Variants in GTSE1 observed in about 807,000 individuals in gnomAD.
The protein encoded by GTSE1 is G2 and S phase-expressed protein 1.
In GTSE1, 52 loss-of-function variants were observed where a neutral mutation model predicts 60.5. The ratio of observed to expected loss-of-function variants is 0.86; its 90% CI spans 0.69 to 1.08. GTSE1 has a LOEUF of 1.08. Ranked by LOEUF, GTSE1 falls within the 50% of genes least tolerant of loss-of-function variation. The probability of loss-of-function intolerance (pLI) is 0.00; values close to 1 mark genes in which losing one functional copy is unlikely to be tolerated. For synonymous variants in GTSE1, 368 were observed against 386.5 expected (o/e 0.95, Z 0.56); for missense variants, 937 against 961.8 (o/e 0.97, Z 0.34).
At chr22:46,311,942 C>G (rs532175325) in intron 4 of GTSE1, among the ~76,000 whole-genome samples, 199 bp from the exon 5 acceptor site, 9 of 152,248 alleles carry the variant, frequency 5.9e-5, no homozygotes, top group African/African-American at 1.9e-4. Context: ...GAAGCAAAAT[C>G]CATCATCACT....
rs376893272 is a variant in GTSE1 at position 46,316,061 on chromosome 22, G to C, written c.1081G>C (p.Ala361Pro). The change falls in exon 7 of 12, where the codon GCA becomes CCA. Residue 361 changes from alanine to proline, a missense_variant. Ala to Pro is a conservative substitution (Grantham distance 27). Coordinates refer to ENST00000454366, the MANE Select transcript of GTSE1 (RefSeq NM_016426.7). The surrounding 1 kb of genome is among the most constrained non-coding windows in gnomAD (Gnocchi z 5.0). Reference protein sequence around the residue: ...AKSSEFASIPANSSRPLSNIS... With the variant: ...AKSSEFASIPPNSSRPLSNIS... ...ATCAAGTGAATTTGCAAGTATTCCT[G>C]CAAATAGCTCCCGGCCTCTGTCAAA... 7.9e-6 allele frequency: 12 copies of C among 1,515,504 alleles called. No individual in the cohort carries two copies. In the African/African-American group the frequency reaches 1.3e-4, roughly 16 times the overall value. The allele number at this position is 1,515,504 out of a possible 1,614,324, so 93.9% of individuals were successfully genotyped here.
chr22:46,314,140 T>A lies in GTSE1; in HGVS notation c.1051+127T>A, dbSNP rs1422428579. ...GCAGGACGTCCCGGAGGGCGTGCTGTGTGCGGTGGACCAGGCTGTGGACTG... is the reference window on the plus strand; with the variant it reads ...GCAGGACGTCCCGGAGGGCGTGCTGAGTGCGGTGGACCAGGCTGTGGACTG... On this transcript the variant is annotated intron_variant, in intron 6 of 11. Transcript: ENST00000454366. The surrounding 1 kb of genome is among the most constrained non-coding windows in gnomAD (Gnocchi z 7.1). 1 of 1,160,140 alleles carries A rather than the reference T, an allele frequency of 8.6e-7. No homozygotes were observed. The highest frequency in any genetic ancestry group is 1.2e-6 in the Non-Finnish European group (1 of 806,830). 71.9% of individuals were successfully genotyped at this position (1,160,140 alleles called of 1,614,324 possible).
In GTSE1 at chr22:46,297,281, G is replaced by A. The variant is rs2077662446; in HGVS notation, c.-21-99G>A. 3.9e-6 allele frequency: 3 copies of A among 764,200 alleles called. No individual in the cohort carries two copies. Among genetic ancestry groups the A allele is most frequent in the Non-Finnish European group, 6.9e-6 (3 of 437,546 alleles). The allele number at this position is 764,200 out of a possible 1,614,324, so 47.3% of individuals were successfully genotyped here. ...GCCGCCTCTCCCAGACCTGGCCGCG[G>A]CCTTCAGCTCTCTCTGCCTCTGTGA... On this transcript the variant is annotated intron_variant, in intron 1 of 11. Coordinates refer to ENST00000454366, the MANE Select transcript of GTSE1 (RefSeq NM_016426.7). The surrounding 1 kb of genome is among the most constrained non-coding windows in gnomAD (Gnocchi z 4.9).
intron 9 of GTSE1, among the ~76,000 whole-genome samples, chr22:46,327,947 T>A (rs2077853506): frequency 6.6e-6 from 1 of 152,216 alleles, no homozygotes; most frequent in African/African-American, 2.4e-5. Flanking sequence ...ATCTGATATA[T>A]AAATAGGAAT....
chr22:46,329,611 C>G lies in GTSE1; in HGVS notation c.2136+44C>G. The G allele has an allele frequency of 6.7e-7, 1 of 1,496,878 alleles. No individual in the cohort carries two copies. 92.7% of individuals were successfully genotyped at this position (1,496,878 alleles called of 1,614,324 possible). ...TTCATGTTGACTCAGCCCTGGGTGT[C>G]CTCAGTTCTGGGATTGTTCATCCTC... is the stretch of plus-strand genomic sequence containing the variant. On this transcript the variant is annotated intron_variant, in intron 11 of 11. Coordinates refer to ENST00000454366, the MANE Select transcript of GTSE1 (RefSeq NM_016426.7). This position sits in a 1 kb window ranked among gnomAD's most constrained non-coding sequence, Gnocchi z 6.4.
At position 46,308,778 on chromosome 22, in the gene GTSE1, C is replaced by T. The variant is rs1187708322; in HGVS notation, c.597C>T (p.Leu199=). The T allele has an allele frequency of 6.2e-7, 1 of 1,613,160 alleles. No homozygotes were observed. Residue 199 remains leucine, a synonymous_variant, in exon 4 of 12, where the codon CTC becomes CTT. Transcript: ENST00000454366. The stretch of plus-strand genomic sequence containing the variant: ...CCAGCTCTGGTGCCCAGGCCCGCCT[C>T]ACCCGGGCGCCGGGGCCTCCGCACT... ...ALPSSGAQAR[L]TRAPGPPHSA...
chr22:46,311,324 C>A (rs571295877), intron 4 of GTSE1, among the ~76,000 whole-genome samples: 1 of 152,070 alleles, frequency 6.6e-6, no homozygotes, highest in Non-Finnish European at 1.5e-5. Flanking sequence ...GTGATCTGCC[C>A]GCCTCGGCCT....
rs2077833648 is a variant in GTSE1, at chr22:46,324,618, T to TG, written c.1505+1358dup. Among the ~76,000 whole-genome samples the TG allele has an allele frequency of 6.6e-6, 1 of 152,082 alleles. No homozygotes were observed. Among genetic ancestry groups the TG allele is most frequent in the Non-Finnish European group, 1.5e-5 (1 of 68,008 alleles). On this transcript the variant is annotated intron_variant, in intron 8 of 11. Coordinates refer to ENST00000454366, the MANE Select transcript of GTSE1 (RefSeq NM_016426.7). This position sits in a 1 kb window ranked among gnomAD's most constrained non-coding sequence, Gnocchi z 5.2. ...TCCTGGCCTCGTGATCCACCAGCCT[T>TG]GGCCTCGCAAAGTGCTGGGATTACA...
rs1245615332 is a variant in GTSE1 at position 46,321,901 on chromosome 22, C to T, written c.1433-1289C>T. ...CCAGCCTGGCCAACATGGCAAAACC[C>T]TGTCTCTACTAACAATACAAAAATT... is the stretch of plus-strand genomic sequence containing the variant. On this transcript the variant is annotated intron_variant, in intron 7 of 11. Coordinates refer to ENST00000454366, the MANE Select transcript of GTSE1 (RefSeq NM_016426.7). The surrounding 1 kb of genome is among the most constrained non-coding windows in gnomAD (Gnocchi z 4.0). 6.6e-6 allele frequency among the ~76,000 whole-genome samples: 1 copy of T among 152,046 alleles called. No homozygotes were observed. Among genetic ancestry groups the T allele is most frequent in the Non-Finnish European group, 1.5e-5 (1 of 68,002 alleles).
rs2077704231 is a variant in GTSE1, at chr22:46,304,168, CT to C, written c.80-3977del. Among the ~76,000 whole-genome samples the C allele has an allele frequency of 6.7e-6, 1 of 149,008 alleles. No homozygotes were observed. Among genetic ancestry groups the C allele is most frequent in the South Asian group, 2.1e-4 (1 of 4,682 alleles). On this transcript the variant is annotated intron_variant, in intron 2 of 11. Coordinates refer to ENST00000454366, the MANE Select transcript of GTSE1 (RefSeq NM_016426.7). This position sits in a 1 kb window ranked among gnomAD's most constrained non-coding sequence, Gnocchi z 4.4. ...CCATACCCCGCTCATTTTTTTTTTT[CT>C]TTTTGTAGAGCTGGGGTCTCGCTAT...
At chr22:46,307,569 T>C (rs1296416135) in intron 2 of GTSE1, among the ~76,000 whole-genome samples, 2 of 152,030 alleles carry the variant, frequency 1.3e-5, no homozygotes, top group African/African-American at 4.8e-5. Flanking sequence ...AGTGGTGCCA[T>C]CTTGGCTCAC....
At position 46,313,338 on chromosome 22, in the gene GTSE1, C is replaced by T. The variant is rs1382402305; in HGVS notation, c.928-552C>T. On this transcript the variant is annotated intron_variant, in intron 5 of 11. Transcript: ENST00000454366. The surrounding 1 kb of genome is among the most constrained non-coding windows in gnomAD (Gnocchi z 4.4). Reference sequence around the variant, plus strand: ...AAGCTGGGCCCTGCAGCTGCTGACTCATGGGGTCTGGGTTGGGGCCCCAAA... The same window carrying T: ...AAGCTGGGCCCTGCAGCTGCTGACTTATGGGGTCTGGGTTGGGGCCCCAAA... 6.6e-6 allele frequency among the ~76,000 whole-genome samples: 1 copy of T among 152,144 alleles called. No individual in the cohort carries two copies. The highest frequency in any genetic ancestry group is 2.1e-4 in the South Asian group (1 of 4,822).
At chr22:46,327,864 A>G (rs1388837158) in intron 9 of GTSE1, among the ~76,000 whole-genome samples, 2 of 152,250 alleles carry the variant, frequency 1.3e-5, no homozygotes, top group Non-Finnish European at 2.9e-5. Context: ...ATGTGTGTGC[A>G]TTACAGAGGG....
chr22:46,328,575 C>T (rs955570534), intron 9 of GTSE1, 113 bp from the exon 10 acceptor site: 21 of 754,342 alleles, frequency 2.8e-5, no homozygotes, highest in African/African-American at 2.2e-4. Context: ...GCCCTAGAGC[C>T]GGGACGCACT....
chr22:46,316,587 T>C lies in GTSE1; in HGVS notation c.1432+175T>C, dbSNP rs1243741134. Among the ~76,000 whole-genome samples, 1 of 152,224 alleles carries C rather than the reference T, an allele frequency of 6.6e-6. No individual in the cohort carries two copies. Among genetic ancestry groups the C allele is most frequent in the Non-Finnish European group, 1.5e-5 (1 of 68,050 alleles). On this transcript the variant is annotated intron_variant, in intron 7 of 11. Transcript: ENST00000454366. The surrounding 1 kb of genome is among the most constrained non-coding windows in gnomAD (Gnocchi z 5.0). ...GTTGTTTTGGGGGGTCACTGGAGGC[T>C]CCCTGAATGTCTTACGTTCGTTCCT...
rs143130344 is a variant in GTSE1, at chr22:46,324,513, G to A, written c.1505+1251G>A. Among the ~76,000 whole-genome samples the A allele has an allele frequency of 0.02, 3,089 of 151,944 alleles. 109 individuals are homozygous for A. The highest frequency in any genetic ancestry group is 0.068 in the African/African-American group (2,835 of 41,420). On this transcript the variant is annotated intron_variant, in intron 8 of 11. Coordinates refer to ENST00000454366, the MANE Select transcript of GTSE1 (RefSeq NM_016426.7). The surrounding 1 kb of genome is among the most constrained non-coding windows in gnomAD (Gnocchi z 5.2). ...CTCCCAAGTAGCTGGGACTACAGGC[G>A]CCCGCCACCACGCCCGGCTAAGTTT...
Position 46,304,361 on chromosome 22 carries a change from T to G in GTSE1, c.80-3789T>G, listed in dbSNP as rs2077705253. ...CTAACTGGTAAGATCAATTTGTTCC[T>G]GTCTTTAGAAGGAATACTTCTGACG... On this transcript the variant is annotated intron_variant, in intron 2 of 11. Transcript: ENST00000454366. This position sits in a 1 kb window ranked among gnomAD's most constrained non-coding sequence, Gnocchi z 4.4. 6.6e-6 allele frequency among the ~76,000 whole-genome samples: 1 copy of G among 152,206 alleles called. No homozygotes were observed. Among genetic ancestry groups the G allele is most frequent in the African/African-American group, 2.4e-5 (1 of 41,448 alleles).
rs942879435 is a variant in GTSE1 at position 46,297,695 on chromosome 22, G to A, written c.79+216G>A. ...AGGATTCTCATCCGTTTTATTTACC[G>A]CAGTGCTCCCATGCCCTGAACAGCA... On this transcript the variant is annotated intron_variant, in intron 2 of 11. Coordinates refer to ENST00000454366, the MANE Select transcript of GTSE1 (RefSeq NM_016426.7). The surrounding 1 kb of genome is among the most constrained non-coding windows in gnomAD (Gnocchi z 4.9). Among the ~76,000 whole-genome samples, 28 of 152,094 alleles carry A rather than the reference G, an allele frequency of 1.8e-4. No homozygotes were observed. The highest frequency in any genetic ancestry group is 6.5e-4 in the African/African-American group (27 of 41,412).
chr22:46,312,125 A>T lies in GTSE1; in HGVS notation c.763-16A>T. ...AAGCACTAGACAGTTCTCACAGTTCAAATTAAAATTTTCAGCCCAAGAAAG... is the reference window on the plus strand; with the variant it reads ...AAGCACTAGACAGTTCTCACAGTTCTAATTAAAATTTTCAGCCCAAGAAAG... On this transcript the variant is annotated splice_polypyrimidine_tract_variant and intron_variant, in intron 4 of 11. Transcript: ENST00000454366. 6.2e-7 allele frequency: 1 copy of T among 1,605,158 alleles called. No homozygotes were observed. Among genetic ancestry groups the T allele is most frequent in the South Asian group, 1.1e-5 (1 of 89,986 alleles).
Sources: allele counts gnomAD v4.1 joint callset (sites outside exome capture counted in the v4.1 genomes callset), GRCh38; gene constraint gnomAD v4.1.1; non-coding constraint Gnocchi (gnomAD v3.1); transcripts MANE v1.5; gene names NCBI Gene and HGNC (gene_info 2026-07-23, HGNC 2026-07-21).